BTBD16: variants seen among roughly 807,000 people sequenced by gnomAD.
BTBD16 encodes BTB/POZ domain-containing protein 16.
BTBD16 carries 66 observed loss-of-function variants against 67.4 expected under a neutral mutation model. The observed-to-expected ratio is 0.98, with a 90% CI of 0.80 to 1.20. The LOEUF is 1.20. Among genes scored for constraint, BTBD16 ranks in the 50% most tolerant of loss-of-function variants. The probability of loss-of-function intolerance (pLI) is 0.00; values close to 1 mark genes in which losing one functional copy is unlikely to be tolerated. For synonymous variants in BTBD16, 242 were observed against 236.4 expected (o/e 1.02, Z -0.22); for missense variants, 634 against 616.0 (o/e 1.03, Z -0.31).
chr10:122,326,382 G>A (rs1256473088), intron 10 of BTBD16, among the ~76,000 whole-genome samples: 4 of 152,100 alleles, frequency 2.6e-5, no homozygotes, highest in Non-Finnish European at 5.9e-5. Flanking sequence ...TCTACTTTCT[G>A]TCTCTACGAA....
In BTBD16 at chr10:122,282,746, G is replaced by A. The variant is rs548743791; in HGVS notation, c.168-1105G>A. Among the ~76,000 whole-genome samples, 10 of 152,346 alleles carry A rather than the reference G, an allele frequency of 6.6e-5. No individual in the cohort carries two copies. The East Asian group carries it at 1.2e-3, about 18-fold the overall frequency. On this transcript the variant is annotated intron_variant, in intron 3 of 15. Transcript: ENST00000260723. ...AGGGTCATAGCAGTAAACACATGCC[G>A]TATCTGTCTTGCAGAGGATACACAA...
At chr10:122,324,653 A>G (rs558022504) in intron 10 of BTBD16, among the ~76,000 whole-genome samples, 1 of 152,306 alleles carries the variant, frequency 6.6e-6, no homozygotes, top group African/African-American at 2.4e-5. Flanking sequence ...CTGGGTCAAG[A>G]GGATTTCTCA....
chr10:122,283,112 C>T (rs932867807), intron 3 of BTBD16, among the ~76,000 whole-genome samples: 1 of 152,178 alleles, frequency 6.6e-6, no homozygotes, highest in Non-Finnish European at 1.5e-5. Flanking sequence ...TGGGGAAACA[C>T]TGGAGGATTC....
chr10:122,292,570 C>T (rs1054921926), intron 7 of BTBD16, among the ~76,000 whole-genome samples: 1 of 152,234 alleles, frequency 6.6e-6, no homozygotes, highest in Non-Finnish European at 1.5e-5. Context: ...GGTTCTGACC[C>T]TCCCTTCAAT....
At chr10:122,277,025 C>T (rs1367455714) in intron 3 of BTBD16, 86 bp downstream of exon 3, 1 of 1,475,240 alleles carries the variant, frequency 6.8e-7, no homozygotes, top group African/African-American at 1.4e-5. Context: ...CTCTGATTGG[C>T]TGCAGTGGCT....
At chr10:122,331,054 G>A in intron 11 of BTBD16, 122 bp from the exon 12 acceptor site, 1 of 1,319,944 alleles carries the variant, frequency 7.6e-7, no homozygotes, top group Non-Finnish European at 1.0e-6. Flanking sequence ...CCTTAAAGGA[G>A]ACCATCCACC....
intron 11 of BTBD16, 64 bp downstream of exon 11, chr10:122,329,635 C>G: frequency 2.1e-6 from 3 of 1,405,740 alleles, no homozygotes; most frequent in Non-Finnish European, 3.0e-6. Context: ...CACCCCCCAG[C>G]CACTGCCGGG....
intron 12 of BTBD16, 156 bp downstream of exon 12, chr10:122,331,414 T>C (rs1048011630): frequency 3.8e-6 from 3 of 797,120 alleles, no homozygotes; most frequent in Non-Finnish European, 4.6e-6. Context: ...GAGCAGTGCC[T>C]GGGAAGGAGA....
Position 122,325,510 on chromosome 10 carries a change from C to T in BTBD16, c.912-3970C>T, listed in dbSNP as rs577338693. Among the ~76,000 whole-genome samples, 39 of 152,200 alleles carry T rather than the reference C, an allele frequency of 2.6e-4. No individual in the cohort carries two copies. In the South Asian group the frequency reaches 8.1e-3, roughly 32 times the overall value. ...ACCAGGACTGATGGGTAGGTCAGCC[C>T]TGACTCAAAGAAAAGGCCCAGGACA... On this transcript the variant is annotated intron_variant, in intron 10 of 15. Transcript: ENST00000260723.
rs201664185 is a variant in BTBD16 at position 122,276,948 on chromosome 10, A to G, written c.167+9A>G. On this transcript the variant is annotated intron_variant, in intron 3 of 15. Coordinates refer to ENST00000260723, the MANE Select transcript of BTBD16 (RefSeq NM_144587.5). Reference sequence around the variant, plus strand: ...TTGAGGAACCCAGACAGGTATGGAGACTCAAAGGTTTGTGGGAGGGAATGG... The same window carrying G: ...TTGAGGAACCCAGACAGGTATGGAGGCTCAAAGGTTTGTGGGAGGGAATGG... 3.7e-5 allele frequency: 59 copies of G among 1,608,946 alleles called. No homozygotes were observed. Among genetic ancestry groups the G allele is most frequent in the Non-Finnish European group, 4.9e-5 (58 of 1,176,740 alleles).
chr10:122,332,203 A>C, intron 12 of BTBD16: 1 of 505,712 alleles, frequency 2.0e-6, no homozygotes, highest in Non-Finnish European at 3.5e-6. Context: ...CTGCTCAGAT[A>C]CTTTTTTGTC....
chr10:122,299,195 G>A (rs2142080233), intron 9 of BTBD16, 61 bp downstream of exon 9: 2 of 1,583,674 alleles, frequency 1.3e-6, no homozygotes, highest in East Asian at 2.3e-5. Flanking sequence ...TAGGGGCCAG[G>A]CTGGGGAGGG....
At chr10:122,287,796 A>G (rs1480533341) in intron 5 of BTBD16, among the ~76,000 whole-genome samples, 2 of 152,088 alleles carry the variant, frequency 1.3e-5, no homozygotes, top group Non-Finnish European at 2.9e-5. Flanking sequence ...TTCCATGGAG[A>G]CTGGAGGAGC....
At chr10:122,272,491 G>A (rs762180246) in intron 1 of BTBD16, among the ~76,000 whole-genome samples, 17 of 152,264 alleles carry the variant, frequency 1.1e-4, no homozygotes, top group South Asian at 6.2e-4. Context: ...ACAGGCATGC[G>A]CCACCACACC....
intron 1 of BTBD16, among the ~76,000 whole-genome samples, chr10:122,272,456 C>T (rs1307067647): frequency 2.0e-5 from 3 of 152,218 alleles, no homozygotes; most frequent in African/African-American, 4.8e-5. Context: ...ACTGTCCTGC[C>T]TCAGCCTCCC....
Position 122,331,278 on chromosome 10 carries a change from A to G in BTBD16, c.1086+20A>G. 2 of 1,603,698 alleles carry G rather than the reference A, an allele frequency of 1.2e-6. 1 individual carries two copies. The highest frequency in any genetic ancestry group is 2.3e-5 in the South Asian group (2 of 88,386). On this transcript the variant is annotated intron_variant, in intron 12 of 15. Transcript: ENST00000260723. ...CACGCAGTGAGTTGCCTGCTCTGCAAGGACACAGTTGTCGAAGTTTATTGC... is the reference window on the plus strand; with the variant it reads ...CACGCAGTGAGTTGCCTGCTCTGCAGGGACACAGTTGTCGAAGTTTATTGC...
At chr10:122,325,125 T>G (rs2096442090) in intron 10 of BTBD16, among the ~76,000 whole-genome samples, 1 of 152,206 alleles carries the variant, frequency 6.6e-6, no homozygotes, top group African/African-American at 2.4e-5. Flanking sequence ...TGTGTGAGCA[T>G]GTGCACCAGG....
At position 122,275,091 on chromosome 10, in the gene BTBD16, T is replaced by A. The variant is rs1281312956; in HGVS notation, c.10T>A (p.Ser4Thr). The stretch of plus-strand genomic sequence containing the variant: ...ATTTCCACTTTCATTCATGATAATG[T>A]CGAACACGGTGAGTAGATCAGTTTC... MIM[S>T]NTHKARLERR... is the part of the protein sequence containing the mutation. The change falls in exon 2 of 16, where the codon TCG (serine) becomes ACG (threonine). Residue 4 changes from serine (S) to threonine (T), a missense_variant. Ser to Thr is a moderately conservative substitution (Grantham distance 58). Transcript: ENST00000260723. The A allele has an allele frequency of 6.2e-7, 1 of 1,614,010 alleles. No individual in the cohort carries two copies. Among genetic ancestry groups the A allele is most frequent in the African/African-American group, 1.3e-5 (1 of 75,040 alleles).
Position 122,329,492 on chromosome 10 carries a change from C to CTGT in BTBD16, c.927_929dup (p.Cys310dup). On this transcript the variant is annotated inframe_insertion, in exon 11 of 16. Coordinates refer to ENST00000260723, the MANE Select transcript of BTBD16 (RefSeq NM_144587.5). ...TGCCTCTGCTAAGCTTTCCTGAGAA[C>CTGT]TGTTGCTTTCTGGACCGGGACATAG... 6.2e-7 allele frequency: 1 copy of CTGT among 1,613,924 alleles called. No homozygotes were observed. Among genetic ancestry groups the CTGT allele is most frequent in the South Asian group, 1.1e-5 (1 of 91,080 alleles).
Sources: allele counts gnomAD v4.1 joint callset (sites outside exome capture counted in the v4.1 genomes callset), GRCh38; gene constraint gnomAD v4.1.1; transcripts MANE v1.5; gene names NCBI Gene and HGNC (gene_info 2026-07-23, HGNC 2026-07-21).